MAOB: variants seen among roughly 807,000 people sequenced by gnomAD.
The protein encoded by MAOB is monoamine oxidase B, also known as amine oxidase [flavin-containing] B.
MAOB carries 15 observed loss-of-function variants against 41.9 expected under a neutral mutation model. The observed-to-expected ratio is 0.36, with a 90% CI of 0.24 to 0.55. The LOEUF (loss-of-function observed/expected upper bound fraction) is 0.55, where lower values mean the gene tolerates loss of function less well. Among genes scored for constraint, MAOB ranks in the 20% least tolerant of loss-of-function variants. The pLI, the probability that MAOB is intolerant of heterozygous loss-of-function variation, is 0.86. For missense variants in MAOB, 345 were observed against 398.7 expected (o/e 0.87, Z 1.15); for synonymous variants, 167 against 144.2 (o/e 1.16, Z -1.13).
At chrX:43,792,717 T>C (rs2034478674) in intron 8 of MAOB, among the ~76,000 whole-genome samples, 2 of 112,216 alleles carry the variant, frequency 1.8e-5, no homozygotes, top group African/African-American at 6.5e-5. Context: ...GGAGCACTTA[T>C]GCACTGTTGG....
chrX:43,871,562 T>C (rs1177105370), intron 1 of MAOB, among the ~76,000 whole-genome samples: 1 of 102,319 alleles, frequency 9.8e-6, no homozygotes, highest in African/African-American at 3.6e-5. Context: ...CACCTGTACA[T>C]GTCTGCCTCC....
At chrX:43,792,731 G>T (rs1468160487) in intron 8 of MAOB, among the ~76,000 whole-genome samples, 1 of 112,032 alleles carries the variant, frequency 8.9e-6, no homozygotes, top group Non-Finnish European at 1.9e-5. Flanking sequence ...CTGTTGGTGG[G>T]AATGTAAATT....
At chrX:43,796,243 C>T (rs1294326745) in intron 6 of MAOB, among the ~76,000 whole-genome samples, 2 of 111,512 alleles carry the variant, frequency 1.8e-5, no homozygotes, top group Admixed American at 1.9e-4. Context: ...AAGCTCTTCC[C>T]TAGCTTGCCT....
At chrX:43,793,637 A>G (rs1235834700) in intron 7 of MAOB, 59 bp from the exon 8 acceptor site, 1 of 936,833 alleles carries the variant, frequency 1.1e-6, no homozygotes, top group Admixed American at 2.8e-5. Context: ...TTTTTTCCCA[A>G]TGATTCTCTC....
chrX:43,813,355 G>T lies in MAOB; in HGVS notation c.280-9951C>A, dbSNP rs1473717180. ...CATAGGGTTGAGTAACTTGTCCAAG[G>T]TCACACAGTTTGCATACTGCAGAAA... On this transcript the variant is annotated intron_variant, in intron 3 of 14. Coordinates refer to ENST00000378069, the MANE Select transcript of MAOB (RefSeq NM_000898.5). 2.7e-5 allele frequency among the ~76,000 whole-genome samples: 3 copies of T among 112,254 alleles called. No homozygotes were observed. The East Asian group carries it at 8.4e-4, about 31-fold the overall frequency.
intron 1 of MAOB, among the ~76,000 whole-genome samples, chrX:43,845,355 G>C (rs923554206): frequency 8.9e-6 from 1 of 112,015 alleles, no homozygotes; most frequent in African/African-American, 3.2e-5. Context: ...TAATAGTTCT[G>C]TGACTTTTAG....
chrX:43,811,291 T>A (rs1208503741), intron 3 of MAOB, among the ~76,000 whole-genome samples: 1 of 111,518 alleles, frequency 9.0e-6, no homozygotes, highest in Admixed American at 9.5e-5. Context: ...TTTGCCATCA[T>A]ATTCTTGATG....
rs768569745 is a variant in MAOB at position 43,882,243 on chromosome X, C to A, written c.46+11G>T. ...CGTGAAGAGGAAGGAGGGCGCACAG[C>A]CGCGACTAACCTGAGATGCCGCCCC... On this transcript the variant is annotated intron_variant, in intron 1 of 14. Transcript: ENST00000378069. 1 of 1,207,495 alleles carries A rather than the reference C, an allele frequency of 8.3e-7. No individual in the cohort carries two copies. The highest frequency in any genetic ancestry group is 1.7e-5 in the African/African-American group (1 of 57,311).
At chrX:43,853,581 T>C (rs1391966009) in intron 1 of MAOB, among the ~76,000 whole-genome samples, 1 of 111,952 alleles carries the variant, frequency 8.9e-6, no homozygotes, top group East Asian at 2.8e-4. Flanking sequence ...TGTGACCTTA[T>C]ATGGAGATAG....
At chrX:43,792,342 A>G (rs1203237499) in intron 8 of MAOB, among the ~76,000 whole-genome samples, 1 of 112,281 alleles carries the variant, frequency 8.9e-6, no homozygotes, top group Non-Finnish European at 1.9e-5. Flanking sequence ...ATTGCCAGGT[A>G]GGACCTAATT....
chrX:43,880,475 A>G (rs979150731), intron 1 of MAOB, among the ~76,000 whole-genome samples: 3 of 112,726 alleles, frequency 2.7e-5, no homozygotes, highest in African/African-American at 9.7e-5. Context: ...TTGCCCTGTA[A>G]TCCAGCAGTG....
chrX:43,836,002 C>T (rs916828956), intron 3 of MAOB, among the ~76,000 whole-genome samples: 5 of 111,737 alleles, frequency 4.5e-5, no homozygotes, highest in African/African-American at 1.6e-4. Flanking sequence ...ATACTTGATA[C>T]TCTCAAGATT....
At chrX:43,860,567 G>A (rs776934922) in intron 1 of MAOB, among the ~76,000 whole-genome samples, 3 of 111,512 alleles carry the variant, frequency 2.7e-5, no homozygotes, top group Admixed American at 9.6e-5. Flanking sequence ...AGACAATATC[G>A]TCTTTTTTGG....
chrX:43,846,031 CA>C (rs1353541345), intron 1 of MAOB, among the ~76,000 whole-genome samples: 5 of 112,147 alleles, frequency 4.5e-5, no homozygotes, highest in Non-Finnish European at 9.4e-5. Flanking sequence ...ATACAGGGCA[CA>C]GGATTTATAA....
At chrX:43,794,559 C>T (rs1244789325) in intron 7 of MAOB, among the ~76,000 whole-genome samples, 1 of 110,826 alleles carries the variant, frequency 9.0e-6, no homozygotes, top group Admixed American at 9.6e-5. Context: ...GTGTTCTTAA[C>T]TCCTAGAATC....
Position 43,843,654 on chromosome X carries a change from A to T in MAOB, c.141+16T>A, listed in dbSNP as rs1479241242. On this transcript the variant is annotated intron_variant, in intron 2 of 14. Transcript: ENST00000378069. The stretch of plus-strand genomic sequence containing the variant: ...CTTCAGTCCCACATTTGTCCTCCGG[A>T]TTCTTAATGCCTTACCCTAAGAGTG... 1.7e-6 allele frequency: 2 copies of T among 1,199,074 alleles called. No individual in the cohort carries two copies. The highest frequency in any genetic ancestry group is 1.9e-5 in the South Asian group (1 of 53,761).
intron 1 of MAOB, among the ~76,000 whole-genome samples, chrX:43,857,108 TATATATATAGAGAGAGAGAG>T (rs1257534097): frequency 0.01 from 241 of 24,003 alleles, 2 homozygotes; most frequent in Non-Finnish European, 0.014. Flanking sequence ...TATATATATA[TATATATATAGAGAGAGAGAG>T]AGAGAGAGAG....
At chrX:43,820,788 A>G (rs2034871030) in intron 3 of MAOB, among the ~76,000 whole-genome samples, 1 of 112,293 alleles carries the variant, frequency 8.9e-6, no homozygotes, top group Non-Finnish European at 1.9e-5. Flanking sequence ...TAATGCATAC[A>G]CATCTCAACA....
intron 2 of MAOB, among the ~76,000 whole-genome samples, chrX:43,839,227 A>T (rs1020092501): frequency 1.8e-5 from 2 of 111,952 alleles, no homozygotes; most frequent in African/African-American, 6.5e-5. Flanking sequence ...AATAGGCAAG[A>T]GCTTCTAAAC....
Sources: allele counts gnomAD v4.1 joint callset (sites outside exome capture counted in the v4.1 genomes callset), GRCh38; gene constraint gnomAD v4.1.1; transcripts MANE v1.5; gene names NCBI Gene and HGNC (gene_info 2026-07-23, HGNC 2026-07-21).